Variants in CNTN3 observed in about 807,000 individuals in gnomAD.
CNTN3 encodes contactin 3, also known as contactin-3.
Under a neutral mutation model 119.1 loss-of-function variants are expected in CNTN3, and 60 were observed. That is an observed-to-expected ratio of 0.50 (90% CI 0.41 to 0.62). The LOEUF (loss-of-function observed/expected upper bound fraction) is 0.62, where lower values mean the gene tolerates loss of function less well. Ranked by LOEUF, CNTN3 falls within the 20% of genes least tolerant of loss-of-function variation. The pLI is 0.00. For missense variants in CNTN3, 1,101 were observed against 1,242.4 expected, an observed-to-expected ratio of 0.89 and a Z score of 1.71; for synonymous variants, 450 against 438.7, an observed-to-expected ratio of 1.03 and a Z score of -0.32.
At chr3:74,334,656 A>G (rs1029804144) in intron 13 of CNTN3, 79 bp downstream of exon 13, 5 of 1,266,528 alleles carry the variant, frequency 3.9e-6, no homozygotes, top group East Asian at 2.3e-5. Context: ...AGCATTGTCT[A>G]TATGTCAGAC....
intron 2 of CNTN3, among the ~76,000 whole-genome samples, chr3:74,515,933 C>T (rs1174677622): frequency 6.6e-6 from 1 of 151,694 alleles, no homozygotes; most frequent in Non-Finnish European, 1.5e-5. Context: ...CAGTGCACAC[C>T]CAGGTCTTTG....
intron 4 of CNTN3, among the ~76,000 whole-genome samples, chr3:74,465,732 C>T (rs1702449547): frequency 6.6e-6 from 1 of 152,176 alleles, no homozygotes; most frequent in Non-Finnish European, 1.5e-5. Flanking sequence ...CCCCACCCTG[C>T]CAGTGTGTGA....
chr3:74,312,343 C>T (rs889917949), intron 13 of CNTN3, among the ~76,000 whole-genome samples: 2 of 150,364 alleles, frequency 1.3e-5, no homozygotes, highest in African/African-American at 4.9e-5. Context: ...GTAGTCCCAG[C>T]TACTCGGGAG....
intron 4 of CNTN3, among the ~76,000 whole-genome samples, chr3:74,481,426 G>C (rs1702761635): frequency 1.3e-5 from 2 of 151,754 alleles, no homozygotes; most frequent in South Asian, 2.1e-4. Flanking sequence ...TGGGATACTA[G>C]GTTAGAAATC....
chr3:74,416,187 A>T (rs995500203), intron 5 of CNTN3, among the ~76,000 whole-genome samples: 1 of 151,838 alleles, frequency 6.6e-6, no homozygotes, highest in African/African-American at 2.4e-5. Context: ...GTACAGAAAG[A>T]AAGTATAGTT....
intron 11 of CNTN3, among the ~76,000 whole-genome samples, chr3:74,343,266 ATT>A (rs1703592830): frequency 6.6e-6 from 1 of 152,196 alleles, no homozygotes; most frequent in African/African-American, 2.4e-5. Flanking sequence ...AAGCCCCATT[ATT>A]GCGTGGTAAA....
chr3:74,417,719 A>T (rs1225563443), intron 5 of CNTN3, among the ~76,000 whole-genome samples: 1 of 152,216 alleles, frequency 6.6e-6, no homozygotes, highest in Non-Finnish European at 1.5e-5. Flanking sequence ...TCCTTTAGAG[A>T]TCAAAATATT....
chr3:74,480,660 T>C (rs1357436509), intron 4 of CNTN3, among the ~76,000 whole-genome samples: 4 of 151,836 alleles, frequency 2.6e-5, no homozygotes, highest in East Asian at 1.9e-4. Context: ...TAAAAAAATA[T>C]AGATGTTTGT....
chr3:74,310,971 C>T (rs550297085), intron 13 of CNTN3, among the ~76,000 whole-genome samples: 1 of 152,190 alleles, frequency 6.6e-6, no homozygotes, highest in Non-Finnish European at 1.5e-5. Context: ...CTTACAAGAT[C>T]TGAGGGAGAG....
At chr3:74,514,957 G>A (rs1703427043) in intron 2 of CNTN3, among the ~76,000 whole-genome samples, 1 of 152,048 alleles carries the variant, frequency 6.6e-6, no homozygotes, top group Non-Finnish European at 1.5e-5. Flanking sequence ...TTTCGAGTTA[G>A]AATTGTGCCT....
intron 4 of CNTN3, among the ~76,000 whole-genome samples, chr3:74,442,301 G>C (rs1032909589): frequency 6.6e-6 from 1 of 151,840 alleles, no homozygotes; most frequent in Non-Finnish European, 1.5e-5. Flanking sequence ...TCTTTTTCTA[G>C]GCTAAGGTCT....
chr3:74,546,291 G>A (rs1285149678), intron 1 of CNTN3, among the ~76,000 whole-genome samples: 9 of 152,076 alleles, frequency 5.9e-5, no homozygotes, highest in Non-Finnish European at 1.2e-4. Context: ...CACTGTGCCC[G>A]GCCCATTTCT....
Position 74,301,492 on chromosome 3 carries a change from T to C in CNTN3, c.2001A>G (p.Pro667=), listed in dbSNP as rs766893517. 6.2e-7 allele frequency: 1 copy of C among 1,614,108 alleles called. No individual in the cohort carries two copies. The highest frequency in any genetic ancestry group is 8.5e-7 in the Non-Finnish European group (1 of 1,179,984). ...THTATVVELN[P]WVEYEFRVVA... is the part of the protein sequence containing the mutation. ...CAACCCGAAATTCATATTCCACCCA[T>C]GGGTTTAACTCAACTACAGTGGCTG... Residue 667 remains proline, a synonymous_variant, in exon 16 of 23, where the codon CCA becomes CCG. Transcript: ENST00000263665.
At chr3:74,501,953 A>G (rs1279231512) in intron 2 of CNTN3, among the ~76,000 whole-genome samples, 1 of 152,188 alleles carries the variant, frequency 6.6e-6, no homozygotes, top group Non-Finnish European at 1.5e-5. Flanking sequence ...ATAAGTAAAA[A>G]CAAAAATGCC....
rs867387548 is a variant in CNTN3 at position 74,588,371 on chromosome 3, T to C, written c.-81+26020A>G. On this transcript the variant is annotated intron_variant, in intron 1 of 22. Coordinates refer to ENST00000263665, the MANE Select transcript of CNTN3 (RefSeq NM_020872.3). ...CCGTTCACAATTGCTTCAAAGAGAA[T>C]AAAATACCTAGGAATCCAACGTACA... Among the ~76,000 whole-genome samples the C allele has an allele frequency of 3.1e-4, 47 of 152,040 alleles. No homozygotes were observed. In the Middle Eastern group the frequency reaches 0.01, roughly 33 times the overall value.
chr3:74,486,671 T>C lies in CNTN3; in HGVS notation c.183-40A>G, dbSNP rs749041404. ...TCAAGGTTCCCCCCCCTTAGTATTT[T>C]TAACTTAAAAGAAGGCTCTCCATTA... On this transcript the variant is annotated intron_variant, in intron 3 of 22. Transcript: ENST00000263665. 3.4e-6 allele frequency: 5 copies of C among 1,465,342 alleles called. No homozygotes were observed. The African/African-American group carries it at 7.2e-5, about 21-fold the overall frequency. 90.8% of individuals were successfully genotyped at this position (1,465,342 alleles called of 1,614,324 possible).
intron 1 of CNTN3, among the ~76,000 whole-genome samples, chr3:74,562,971 T>C (rs1487984466): frequency 6.6e-6 from 1 of 152,150 alleles, no homozygotes; most frequent in Non-Finnish European, 1.5e-5. Flanking sequence ...ATAATGCCCA[T>C]TTGAGAATAA....
chr3:74,302,835 C>A (rs1480043292), intron 13 of CNTN3, 28 bp from the exon 14 acceptor site: 2 of 1,404,444 alleles, frequency 1.4e-6, no homozygotes, highest in East Asian at 2.3e-5. Flanking sequence ...AATGAATACA[C>A]TGTTATTTTT....
At chr3:74,494,946 GA>G (rs1244804156) in intron 3 of CNTN3, among the ~76,000 whole-genome samples, 1 of 152,072 alleles carries the variant, frequency 6.6e-6, no homozygotes, top group African/African-American at 2.4e-5. Context: ...AGGATGTCAA[GA>G]ACGCTTCCTA....
Sources: gnomAD v4.1 joint callset for allele counts (sites outside exome capture counted in the v4.1 genomes callset) on GRCh38, gnomAD v4.1.1 for gene constraint, MANE v1.5 for transcripts, NCBI Gene and HGNC (gene_info 2026-07-23, HGNC 2026-07-21) for gene names.